The following ABCA8 variants were observed in gnomAD, a reference collection of about 807,000 sequenced individuals.
ABCA8 encodes ATP binding cassette subfamily A member 8, also known as ABC-type organic anion transporter ABCA8.
In ABCA8, 177 loss-of-function variants were observed where a neutral mutation model predicts 192.3. The ratio of observed to expected loss-of-function variants is 0.92; its 90% CI spans 0.81 to 1.04. The LOEUF (loss-of-function observed/expected upper bound fraction) is 1.04, where lower values mean the gene tolerates loss of function less well. Ranked by LOEUF, ABCA8 falls within the 50% of genes least tolerant of loss-of-function variation. The probability of loss-of-function intolerance (pLI) is 0.00; values close to 1 mark genes in which losing one functional copy is unlikely to be tolerated. For synonymous variants in ABCA8, 642 were observed against 690.2 expected (o/e 0.93, Z 1.09); for missense variants, 1,915 against 1,904.8 (o/e 1.01, Z -0.10).
At chr17:68,943,244 T>C (rs1223360061) in intron 2 of ABCA8, among the ~76,000 whole-genome samples, 1 of 152,196 alleles carries the variant, frequency 6.6e-6, no homozygotes, top group Non-Finnish European at 1.5e-5. Context: ...TAATCGAATG[T>C]CATTTTAAAG....
At chr17:68,926,796 C>A (rs2067713604) in intron 10 of ABCA8, among the ~76,000 whole-genome samples, 1 of 152,156 alleles carries the variant, frequency 6.6e-6, no homozygotes, top group African/African-American at 2.4e-5. Context: ...GGATGAATTT[C>A]CTGCCTCAAG....
intron 6 of ABCA8, 48 bp downstream of exon 6, chr17:68,933,120 C>T (rs937859069): frequency 7.7e-7 from 1 of 1,290,854 alleles, no homozygotes; most frequent in Non-Finnish European, 1.1e-6. Context: ...CCTCTAATAT[C>T]ATTAACTTGC....
At chr17:68,903,557 G>C (rs2066971432) in intron 19 of ABCA8, 58 bp from the exon 20 acceptor site, 3 of 1,546,878 alleles carry the variant, frequency 1.9e-6, no homozygotes, top group Non-Finnish European at 2.7e-6. Flanking sequence ...TATAGAGATT[G>C]GCTCTGCTAA....
rs187411552 is a variant in ABCA8, at chr17:68,912,077, A to G, written c.2139-4198T>C. Among the ~76,000 whole-genome samples the G allele has an allele frequency of 8.8e-4, 134 of 152,320 alleles. 2 individuals carry two copies. Among genetic ancestry groups the G allele is most frequent in the African/African-American group, 3.2e-3 (133 of 41,570 alleles). ...CACTGATGAACATCCACAAGCATCA[A>G]GACTATCCAAAAAAACATGACCTCA... On this transcript the variant is annotated intron_variant, in intron 17 of 39. Transcript: ENST00000586539.
At chr17:68,888,088 CAT>C (rs1472665153) in intron 24 of ABCA8, among the ~76,000 whole-genome samples, 1 of 146,770 alleles carries the variant, frequency 6.8e-6, no homozygotes, top group African/African-American at 2.5e-5. Flanking sequence ...TATACACACA[CAT>C]ACACACACAC....
Position 68,883,783 on chromosome 17 carries a change from T to C in ABCA8, c.3707+8A>G. The C allele has an allele frequency of 6.5e-7, 1 of 1,543,022 alleles. No individual in the cohort carries two copies. The highest frequency in any genetic ancestry group is 8.8e-7 in the Non-Finnish European group (1 of 1,137,454). On this transcript the variant is annotated splice_region_variant and intron_variant, in intron 29 of 39. Coordinates refer to ENST00000586539, the MANE Select transcript of ABCA8 (RefSeq NM_001288985.2). ...AACAAAATAAAAATCTGATGTGTTT[T>C]TTCCAACCTAAAGAAAGGATCCTTT...
At chr17:68,946,234 AT>A (rs1387714999) in intron 2 of ABCA8, among the ~76,000 whole-genome samples, 1 of 151,728 alleles carries the variant, frequency 6.6e-6, no homozygotes, top group Admixed American at 6.6e-5. Context: ...TGCCCAGCTA[AT>A]TTTTGTATTT....
chr17:68,914,781 A>G (rs1028295072), intron 17 of ABCA8, among the ~76,000 whole-genome samples: 2 of 152,110 alleles, frequency 1.3e-5, no homozygotes, highest in Admixed American at 6.5e-5. Flanking sequence ...TCACAGAATA[A>G]AAAACAAACA....
At chr17:68,872,475 C>T (rs1299324570) in intron 37 of ABCA8, among the ~76,000 whole-genome samples, 2 of 149,290 alleles carry the variant, frequency 1.3e-5, no homozygotes, top group Admixed American at 6.6e-5. Context: ...ATACCTAATG[C>T]TAGATGACGA....
intron 24 of ABCA8, among the ~76,000 whole-genome samples, chr17:68,890,697 T>C (rs2066602457): frequency 6.6e-6 from 1 of 152,204 alleles, no homozygotes; most frequent in Non-Finnish European, 1.5e-5. Flanking sequence ...TTTTGTATTT[T>C]TAGTAGAGAC....
At chr17:68,954,569 A>G (rs1299396745) in intron 1 of ABCA8, among the ~76,000 whole-genome samples, 2 of 152,184 alleles carry the variant, frequency 1.3e-5, no homozygotes, top group Non-Finnish European at 2.9e-5. Context: ...TCAGAACAAC[A>G]TGTATTCACT....
At chr17:68,876,421 G>A in intron 35 of ABCA8, 39 bp downstream of exon 35, 2 of 1,613,108 alleles carry the variant, frequency 1.2e-6, no homozygotes, top group African/African-American at 1.3e-5. Flanking sequence ...CTCCATGCAA[G>A]TCATCCGTGC....
intron 2 of ABCA8, among the ~76,000 whole-genome samples, chr17:68,947,765 T>C (rs146050161): frequency 2.3e-3 from 350 of 152,332 alleles, no homozygotes; most frequent in Middle Eastern, 6.8e-3. Context: ...TCTGGGATCA[T>C]GTGCAGAATG....
intron 21 of ABCA8, among the ~76,000 whole-genome samples, chr17:68,900,932 T>G (rs2066893488): frequency 6.6e-6 from 1 of 152,138 alleles, no homozygotes; most frequent in African/African-American, 2.4e-5. Context: ...TTAGAAACAC[T>G]AAATGACACT....
At chr17:68,952,757 T>G (rs887130053) in intron 1 of ABCA8, among the ~76,000 whole-genome samples, 1 of 152,156 alleles carries the variant, frequency 6.6e-6, no homozygotes, top group African/African-American at 2.4e-5. Context: ...AGTGGCATTA[T>G]ACTTCTATAG....
At chr17:68,913,195 A>C (rs1240748298) in intron 17 of ABCA8, among the ~76,000 whole-genome samples, 1 of 152,146 alleles carries the variant, frequency 6.6e-6, no homozygotes, top group African/African-American at 2.4e-5. Flanking sequence ...AAATTTATTG[A>C]AACAAATGAA....
chr17:68,897,739 A>T (rs2066802357), intron 21 of ABCA8, among the ~76,000 whole-genome samples: 1 of 152,184 alleles, frequency 6.6e-6, no homozygotes, highest in African/African-American at 2.4e-5. Context: ...GAAGGAGCTC[A>T]ACAGTAGATT....
In ABCA8 at chr17:68,894,975, G is replaced by T. The variant is rs151155144; in HGVS notation, c.2803C>A (p.Gln935Lys). The T allele has an allele frequency of 1.2e-6, 2 of 1,613,344 alleles. No individual in the cohort carries two copies. The highest frequency in any genetic ancestry group is 1.7e-6 in the Non-Finnish European group (2 of 1,179,680). The change falls in exon 22 of 40, where the codon CAG becomes AAG. Residue 935 changes from glutamine (Q) to lysine (K), a missense_variant. Gln to Lys is a moderately conservative substitution (Grantham distance 53). Transcript: ENST00000586539. ...GCATCCACTTCTAAAGCTATGTTCT[G>T]GTGCTCCACAGACTGTATAAAGTCA... ...IDDFIQSVEH[Q>K]NIALEVDAFG... is the part of the protein sequence containing the mutation.
At chr17:68,876,223 C>G (rs1202153772) in intron 35 of ABCA8, 2 of 579,968 alleles carry the variant, frequency 3.4e-6, no homozygotes, top group African/African-American at 3.7e-5. Flanking sequence ...TTATGAAACT[C>G]AAGAGTGAGA....
Sources: allele counts gnomAD v4.1 joint callset (sites outside exome capture counted in the v4.1 genomes callset), GRCh38; gene constraint gnomAD v4.1.1; transcripts MANE v1.5; gene names NCBI Gene and HGNC (gene_info 2026-07-23, HGNC 2026-07-21).